PDZRN4: variants seen among roughly 807,000 people sequenced by gnomAD.
PDZRN4 encodes the protein PDZ domain-containing RING finger protein 4.
A neutral mutation model predicts 99.0 loss-of-function variants in PDZRN4; 70 were observed. The ratio of observed to expected loss-of-function variants is 0.71; its 90% confidence interval spans 0.58 to 0.86. PDZRN4 has a LOEUF of 0.86. PDZRN4 is among the 40% of genes least tolerant of loss of function. PDZRN4 has a pLI of 0.00. For missense variants in PDZRN4, 1,474 were observed against 1,331.2 expected, an observed-to-expected ratio of 1.11 and a Z score of -1.67; for synonymous variants, 551 against 501.6, an observed-to-expected ratio of 1.10 and a Z score of -1.32.
At chr12:41,556,096 T>A (rs1407432737) in intron 7 of PDZRN4, among the ~76,000 whole-genome samples, 1 of 152,202 alleles carries the variant, frequency 6.6e-6, no homozygotes, top group Non-Finnish European at 1.5e-5. Context: ...TAACCTATTG[T>A]TGTTGTGAAT....
At chr12:41,197,918 G>GTTTTTCTTTTTTTT (rs1491129322) in intron 3 of PDZRN4, among the ~76,000 whole-genome samples, 3 of 114,576 alleles carry the variant, frequency 2.6e-5, no homozygotes, top group African/African-American at 1.0e-4. Flanking sequence ...TGTTTTTTCT[G>GTTTTTCTTTTTTTT]GGTTTTTTTT....
chr12:41,250,677 A>G (rs2120807483), intron 3 of PDZRN4, among the ~76,000 whole-genome samples: 1 of 152,360 alleles, frequency 6.6e-6, no homozygotes, highest in Middle Eastern at 3.4e-3. Context: ...ACTGGAAGGT[A>G]GATGCCTAAT....
chr12:41,340,613 A>T (rs1210620427), intron 3 of PDZRN4, among the ~76,000 whole-genome samples: 1 of 152,002 alleles, frequency 6.6e-6, no homozygotes, highest in Admixed American at 6.6e-5. Context: ...CAAAGAAATG[A>T]TAAGTGCTTG....
At chr12:41,259,433 T>C (rs780514868) in intron 3 of PDZRN4, among the ~76,000 whole-genome samples, 7 of 152,130 alleles carry the variant, frequency 4.6e-5, no homozygotes, top group African/African-American at 7.2e-5. Flanking sequence ...TTAAAAACAG[T>C]CACTGAATAT....
chr12:41,229,164 AGGTGATCTGTCTCG>A (rs1951013805), intron 3 of PDZRN4, among the ~76,000 whole-genome samples: 1 of 151,200 alleles, frequency 6.6e-6, no homozygotes, highest in South Asian at 2.1e-4. Context: ...GATCTGTCTC[AGGTGATCTGTCTCG>A]GGTTATCAGT....
At chr12:41,523,466 G>T (rs747564826) in intron 5 of PDZRN4, among the ~76,000 whole-genome samples, 1 of 152,138 alleles carries the variant, frequency 6.6e-6, no homozygotes, top group South Asian at 2.1e-4. Context: ...GGAGTTCAGA[G>T]CTAAGAATGT....
rs546575765 is a variant in PDZRN4 at position 41,349,764 on chromosome 12, T to A, written c.843+155576T>A. On this transcript the variant is annotated intron_variant, in intron 3 of 9. Coordinates refer to ENST00000402685, the MANE Select transcript of PDZRN4 (RefSeq NM_001164595.2). ...TGTATTTATGTATTAAATACATAAT[T>A]ACAATGAGGCATTTCATAACAGAGG... 2.6e-4 allele frequency among the ~76,000 whole-genome samples: 40 copies of A among 152,136 alleles called. No homozygotes were observed. In the South Asian group the frequency reaches 7.0e-3, roughly 27 times the overall value.
At chr12:41,375,494 T>G (rs765446879) in intron 3 of PDZRN4, among the ~76,000 whole-genome samples, 15 of 152,200 alleles carry the variant, frequency 9.9e-5, no homozygotes, top group African/African-American at 2.2e-4. Context: ...ACTAACTCAT[T>G]GAATATAGCA....
chr12:41,242,628 GACACACACACAC>G (rs112751345), intron 3 of PDZRN4, among the ~76,000 whole-genome samples: 22 of 148,654 alleles, frequency 1.5e-4, no homozygotes, highest in African/African-American at 5.4e-4. Context: ...TGTTCTTGTG[GACACACACACAC>G]ACACACACAC....
In PDZRN4 at chr12:41,322,023, T is replaced by A. The variant is rs185580236; in HGVS notation, c.843+127835T>A. On this transcript the variant is annotated intron_variant, in intron 3 of 9. Transcript: ENST00000402685. ...TGGGCTGGTGCACCAATGTTAAGAT[T>A]TCCTCAATTTTTGTTTTGTTTTGTT... 8.5e-5 allele frequency among the ~76,000 whole-genome samples: 13 copies of A among 152,108 alleles called. No individual in the cohort carries two copies. The East Asian group carries it at 2.3e-3, about 27-fold the overall frequency.
chr12:41,398,518 A>G (rs1359892025), intron 3 of PDZRN4, among the ~76,000 whole-genome samples: 1 of 152,188 alleles, frequency 6.6e-6, no homozygotes, highest in Non-Finnish European at 1.5e-5. Flanking sequence ...GAATGAACAG[A>G]TCAAATCATA....
chr12:41,371,768 T>C (rs1477531848), intron 3 of PDZRN4, among the ~76,000 whole-genome samples: 3 of 152,170 alleles, frequency 2.0e-5, no homozygotes, highest in African/African-American at 7.2e-5. Flanking sequence ...TTAATGTATG[T>C]GTTGTGAGAA....
chr12:41,462,982 T>C (rs1473464383), intron 3 of PDZRN4, among the ~76,000 whole-genome samples: 2 of 152,158 alleles, frequency 1.3e-5, no homozygotes, highest in African/African-American at 2.4e-5. Context: ...ACCCCTGAGA[T>C]TGCTTCTGTC....
At chr12:41,292,605 A>T (rs1029436187) in intron 3 of PDZRN4, among the ~76,000 whole-genome samples, 1 of 152,130 alleles carries the variant, frequency 6.6e-6, no homozygotes, top group African/African-American at 2.4e-5. Flanking sequence ...GATAGCCCAG[A>T]TATTTATTCA....
chr12:41,244,517 C>T (rs557082634), intron 3 of PDZRN4, among the ~76,000 whole-genome samples: 1 of 152,238 alleles, frequency 6.6e-6, no homozygotes, highest in South Asian at 2.1e-4. Context: ...ATCTCTGACC[C>T]TACCTTCTAC....
chr12:41,554,494 C>A (rs2120805763), intron 6 of PDZRN4, among the ~76,000 whole-genome samples: 1 of 152,106 alleles, frequency 6.6e-6, no homozygotes, highest in East Asian at 1.9e-4. Context: ...TATTAGGTGG[C>A]ACCCATAATA....
intron 3 of PDZRN4, among the ~76,000 whole-genome samples, chr12:41,251,894 C>A (rs369501134): frequency 1.2e-4 from 18 of 152,076 alleles, no homozygotes; most frequent in Non-Finnish European, 2.2e-4. Context: ...CGCAGGCAGA[C>A]AGCTAGAGCC....
At chr12:41,454,916 T>A (rs559345276) in intron 3 of PDZRN4, among the ~76,000 whole-genome samples, 2 of 152,240 alleles carry the variant, frequency 1.3e-5, no homozygotes, top group Admixed American at 6.5e-5. Flanking sequence ...ACTAGCCACA[T>A]AGGACTGTTG....
chr12:41,208,875 AG>A lies in PDZRN4; in HGVS notation c.843+14691del, dbSNP rs1284811735. 4.6e-5 allele frequency among the ~76,000 whole-genome samples: 7 copies of A among 151,686 alleles called. No homozygotes were observed. The South Asian group carries it at 1.2e-3, about 27-fold the overall frequency. ...TTTCCTTTTTTTAAAAAATATTGTT[AG>A]GGGAAAAAAAAGATTTTCCAGAAGT... On this transcript the variant is annotated intron_variant, in intron 3 of 9. Coordinates refer to ENST00000402685, the MANE Select transcript of PDZRN4 (RefSeq NM_001164595.2).
Sources: allele counts gnomAD v4.1 joint callset (sites outside exome capture counted in the v4.1 genomes callset), GRCh38; gene constraint gnomAD v4.1.1; transcripts MANE v1.5; gene names NCBI Gene and HGNC (gene_info 2026-07-23, HGNC 2026-07-21).